Variants in MMS22L observed in about 807,000 individuals in gnomAD.
MMS22L encodes MMS22 like, DNA repair protein.
In MMS22L, 74 loss-of-function variants were observed where a neutral mutation model predicts 159.1. The ratio of observed to expected loss-of-function variants is 0.47; its 90% CI spans 0.39 to 0.56. The LOEUF is 0.56. Among genes scored for constraint, MMS22L ranks in the 20% least tolerant of loss-of-function variants. The pLI, the probability that MMS22L is intolerant of heterozygous loss-of-function variation, is 0.00. For missense variants in MMS22L, 1,351 were observed against 1,422.1 expected, an observed-to-expected ratio of 0.95 and a Z score of 0.80; for synonymous variants, 517 against 506.9, an observed-to-expected ratio of 1.02 and a Z score of -0.27.
At chr6:97,238,935 A>G (rs1323032179) in intron 11 of MMS22L, among the ~76,000 whole-genome samples, 1 of 132,668 alleles carries the variant, frequency 7.5e-6, no homozygotes, top group Non-Finnish European at 1.6e-5. Flanking sequence ...AAAAAAAAAG[A>G]AAAAAGAAAT....
chr6:97,182,641 ATTTG>A (rs764053221), intron 15 of MMS22L, among the ~76,000 whole-genome samples: 5 of 152,120 alleles, frequency 3.3e-5, no homozygotes, highest in Non-Finnish European at 7.4e-5. Flanking sequence ...TATGATATTA[ATTTG>A]TTTGCCAATA....
intron 14 of MMS22L, among the ~76,000 whole-genome samples, chr6:97,195,127 C>T (rs564122767): frequency 3.0e-4 from 45 of 152,236 alleles, no homozygotes; most frequent in Non-Finnish European, 5.0e-4. Context: ...AAGAAGGTGA[C>T]ATTTGAGCAA....
chr6:97,270,814 T>A (rs957500380), intron 6 of MMS22L: 1 of 152,042 alleles, frequency 6.6e-6, no homozygotes, highest in Non-Finnish European at 1.5e-5. Context: ...GGTCATTCAA[T>A]AAAAAATAAG....
chr6:97,191,773 T>G (rs937009524), intron 14 of MMS22L, among the ~76,000 whole-genome samples: 1 of 152,214 alleles, frequency 6.6e-6, no homozygotes, highest in Non-Finnish European at 1.5e-5. Context: ...CCTCTCATCA[T>G]ACTTGCTTGT....
chr6:97,206,571 A>G (rs999363371), intron 14 of MMS22L, among the ~76,000 whole-genome samples: 5 of 152,174 alleles, frequency 3.3e-5, no homozygotes, highest in African/African-American at 1.2e-4. Context: ...AAGAAATTCA[A>G]TGGTGTTTGT....
At chr6:97,183,135 C>T (rs1351085697) in intron 15 of MMS22L, among the ~76,000 whole-genome samples, 2 of 152,054 alleles carry the variant, frequency 1.3e-5, no homozygotes, top group Admixed American at 6.6e-5. Context: ...CAATTTTTGA[C>T]TCCAAACTAG....
chr6:97,152,700 G>A (rs1392642266), intron 22 of MMS22L, among the ~76,000 whole-genome samples: 2 of 151,932 alleles, frequency 1.3e-5, no homozygotes, highest in African/African-American at 4.8e-5. Flanking sequence ...GATGAGGCTC[G>A]TGGCTAAGGA....
chr6:97,257,760 T>C (rs1813983536), intron 9 of MMS22L, among the ~76,000 whole-genome samples: 1 of 151,724 alleles, frequency 6.6e-6, no homozygotes, highest in Admixed American at 6.6e-5. Flanking sequence ...ATATTGATGG[T>C]ACATGATATC....
intron 17 of MMS22L, among the ~76,000 whole-genome samples, chr6:97,178,871 C>T (rs532927173): frequency 6.6e-6 from 1 of 152,012 alleles, no homozygotes; most frequent in East Asian, 1.9e-4. Context: ...ATGAAAATAA[C>T]AAGTGGCCAC....
intron 8 of MMS22L, chr6:97,264,369 T>A (rs1420981273): frequency 6.6e-6 from 1 of 151,220 alleles, no homozygotes; most frequent in Non-Finnish European, 1.5e-5. Context: ...TATCTACCTT[T>A]TTTTAATAAA....
At chr6:97,262,412 A>T (rs1457635150) in intron 9 of MMS22L, among the ~76,000 whole-genome samples, 2 of 152,112 alleles carry the variant, frequency 1.3e-5, no homozygotes, top group Non-Finnish European at 2.9e-5. Context: ...TGGGAGGCCA[A>T]GGCAGGCAGA....
intron 14 of MMS22L, among the ~76,000 whole-genome samples, chr6:97,212,071 C>T (rs906809832): frequency 6.6e-6 from 1 of 152,170 alleles, no homozygotes; most frequent in Non-Finnish European, 1.5e-5. Flanking sequence ...AAGTCTCCAA[C>T]ATCTGTCTAT....
At position 97,263,412 on chromosome 6, in the gene MMS22L, G is replaced by A. The variant is rs774389878; in HGVS notation, c.865C>T (p.Pro289Ser). Residue 289 changes from proline (P) to serine (S), a missense_variant, in exon 9 of 25, where the codon CCA (proline) becomes TCA (serine). Transcript: ENST00000683635. ...CATAATTCTTTAATGCATAAACATG[G>A]ACACTGGTCACTCATTAATGATTCA... ...SSESLMSDQCPCLCIKELWVL... is the reference protein window; with the variant it reads ...SSESLMSDQCSCLCIKELWVL... The A allele has an allele frequency of 2.5e-6, 4 of 1,588,356 alleles. No individual in the cohort carries two copies. In the South Asian group the frequency reaches 3.5e-5, roughly 14 times the overall value.
chr6:97,145,067 A>AC lies in MMS22L; in HGVS notation c.*1738_*1739insG, dbSNP rs34588294. 39,910 of 123,456 alleles carry AC rather than the reference A, an allele frequency of 0.32. 7,454 individuals are homozygous for AC. The highest frequency in any genetic ancestry group is 0.36 in the South Asian group (1,452 of 4,010). 7.6% of individuals were successfully genotyped at this position (123,456 alleles called of 1,614,324 possible). A position where few individuals can be genotyped will look rare whatever the true frequency, so the allele number is the denominator to read the frequency against. ...ACACACACACACACACACACACACAAAAACACATATACACATAAATAACCT... is the reference window on the plus strand; with the variant it reads ...ACACACACACACACACACACACACAACAAACACATATACACATAAATAACCT... On this transcript the variant is annotated 3_prime_UTR_variant, in exon 25 of 25. Transcript: ENST00000683635.
At chr6:97,236,690 A>G (rs1003291264) in intron 11 of MMS22L, among the ~76,000 whole-genome samples, 2 of 152,104 alleles carry the variant, frequency 1.3e-5, no homozygotes, top group Non-Finnish European at 2.9e-5. Context: ...GGTGGCTCAC[A>G]CCTGTAATCC....
intron 15 of MMS22L, among the ~76,000 whole-genome samples, chr6:97,183,018 T>G (rs118009134): frequency 6.6e-6 from 1 of 152,190 alleles, no homozygotes; most frequent in Non-Finnish European, 1.5e-5. Context: ...TCTGATTTAA[T>G]GAATCTATCT....
intron 14 of MMS22L, among the ~76,000 whole-genome samples, chr6:97,210,767 T>C (rs974858806): frequency 6.6e-6 from 1 of 151,964 alleles, no homozygotes; most frequent in Admixed American, 6.6e-5. Context: ...AAGGGATATT[T>C]TGGTTACACG....
At chr6:97,178,058 G>C (rs1053363561) in intron 18 of MMS22L, among the ~76,000 whole-genome samples, 18 of 152,174 alleles carry the variant, frequency 1.2e-4, no homozygotes, top group African/African-American at 4.3e-4. Flanking sequence ...TACACTGTTC[G>C]CTACAGGGTG....
At chr6:97,233,565 A>C (rs539014364) in intron 12 of MMS22L, among the ~76,000 whole-genome samples, 1 of 152,108 alleles carries the variant, frequency 6.6e-6, no homozygotes, top group African/African-American at 2.4e-5. Flanking sequence ...TGTCATGAGC[A>C]ATCAATTATT....
Sources: gnomAD v4.1 joint callset for allele counts (sites outside exome capture counted in the v4.1 genomes callset) on GRCh38, gnomAD v4.1.1 for gene constraint, MANE v1.5 for transcripts, NCBI Gene and HGNC (gene_info 2026-07-23, HGNC 2026-07-21) for gene names.